Variants in SRC observed in about 807,000 individuals in gnomAD.
SRC encodes the protein proto-oncogene tyrosine-protein kinase Src.
SRC carries 13 observed loss-of-function variants against 62.9 expected under a neutral mutation model. That is an observed-to-expected ratio of 0.21 (90% confidence interval 0.13 to 0.33). The LOEUF is 0.33. SRC is among the 10% of genes least tolerant of loss of function. The pLI, the probability that SRC is intolerant of heterozygous loss-of-function variation, is 1.00. For missense variants in SRC, 457 were observed against 737.3 expected (o/e 0.62, Z 4.40); for synonymous variants, 302 against 317.5 (o/e 0.95, Z 0.52).
chr20:37,394,068 G>T, intron 6 of SRC, 75 bp downstream of exon 6: 2 of 1,567,860 alleles, frequency 1.3e-6, no homozygotes, highest in Non-Finnish European at 1.8e-6. Context: ...CCTGGGCTGG[G>T]GTGGGAGGTC....
chr20:37,394,026 G>C (rs1161850102), intron 6 of SRC, 33 bp downstream of exon 6: 8 of 1,602,878 alleles, frequency 5.0e-6, no homozygotes, highest in Non-Finnish European at 6.8e-6. Flanking sequence ...TCTACCCGTC[G>C]TCCCTGGACA....
chr20:37,401,420 C>G (rs1185158229), intron 10 of SRC, among the ~76,000 whole-genome samples, 182 bp from the exon 11 acceptor site: 1 of 152,086 alleles, frequency 6.6e-6, no homozygotes, highest in Non-Finnish European at 1.5e-5. Context: ...CTGCTTGTTT[C>G]CCATCCTGCT....
upstream of SRC, among the ~76,000 whole-genome samples, chr20:37,345,111 T>C (rs2069699551): frequency 6.6e-6 from 1 of 152,214 alleles, no homozygotes; most frequent in African/African-American, 2.4e-5. Flanking sequence ...CTGACCTGTC[T>C]GGGCCTTAAT....
At chr20:37,358,723 T>C (rs2069920983) in intron 1 of SRC, among the ~76,000 whole-genome samples, 1 of 152,212 alleles carries the variant, frequency 6.6e-6, no homozygotes. Flanking sequence ...AGTTGTGCTC[T>C]CCAGGGCGTG....
At chr20:37,381,925 G>C (rs1355476098) in intron 2 of SRC, among the ~76,000 whole-genome samples, 2 of 152,178 alleles carry the variant, frequency 1.3e-5, no homozygotes, top group African/African-American at 2.4e-5. Flanking sequence ...TCTCTGAGCT[G>C]GGTGGTCCCC....
intron 1 of SRC, among the ~76,000 whole-genome samples, chr20:37,364,214 G>A (rs1600967715): frequency 6.6e-6 from 1 of 152,226 alleles, no homozygotes. Flanking sequence ...GGTACGAGAC[G>A]GTGGAACCCA....
At chr20:37,376,088 G>A (rs999973777) in intron 2 of SRC, among the ~76,000 whole-genome samples, 8 of 152,216 alleles carry the variant, frequency 5.3e-5, no homozygotes, top group African/African-American at 1.9e-4. Flanking sequence ...TGGGGTGGGG[G>A]ATGCACATTC....
chr20:37,400,167 G>T lies in SRC; in HGVS notation c.912G>T (p.Thr304=), dbSNP rs1354962086. 6.2e-7 allele frequency: 1 copy of T among 1,613,594 alleles called. No homozygotes were observed. Among genetic ancestry groups the T allele is most frequent in the East Asian group, 2.2e-5 (1 of 44,872 alleles). The change falls in exon 10 of 14, where the codon ACG becomes ACT. Residue 304 remains threonine, a synonymous_variant. Transcript: ENST00000373578. The part of the protein sequence containing the change: ...RVAIKTLKPG[T]MSPEAFLQEA... ...CCATCAAAACCCTGAAGCCTGGCAC[G>T]ATGTCTCCAGAGGCCTTCCTGCAGG...
At chr20:37,378,160 T>C (rs1019125481) in intron 2 of SRC, among the ~76,000 whole-genome samples, 1 of 148,500 alleles carries the variant, frequency 6.7e-6, no homozygotes, top group Non-Finnish European at 1.5e-5. Context: ...TTCTTTCTTC[T>C]CTTTTTTTTT....
In SRC at chr20:37,396,422, C is replaced by T; in HGVS notation, c.703+111C>T. On this transcript the variant is annotated intron_variant, in intron 8 of 13. Transcript: ENST00000373578. The surrounding 1 kb of genome is among the most constrained non-coding windows in gnomAD (Gnocchi z 6.1). ...GGGACTTCTGTTATCCTGCTTCTCT[C>T]CCCACTTCCCCCTCCCCCCTCCCTT... 2.5e-6 allele frequency: 3 copies of T among 1,214,864 alleles called. No individual in the cohort carries two copies. Among genetic ancestry groups the T allele is most frequent in the Non-Finnish European group, 3.4e-6 (3 of 873,090 alleles). 75.3% of individuals were successfully genotyped at this position (1,214,864 alleles called of 1,614,324 possible). A position where few individuals can be genotyped will look rare whatever the true frequency, so the allele number is the denominator to read the frequency against.
chr20:37,386,683 A>C (rs2070460967), intron 5 of SRC, among the ~76,000 whole-genome samples: 1 of 149,844 alleles, frequency 6.7e-6, no homozygotes, highest in African/African-American at 2.5e-5. Flanking sequence ...CTTCCATTGC[A>C]CTCTCCTGCA....
chr20:37,401,460 A>G (rs912885413), intron 10 of SRC, 142 bp from the exon 11 acceptor site: 2 of 611,672 alleles, frequency 3.3e-6, no homozygotes, highest in African/African-American at 3.8e-5. Flanking sequence ...ACTGAGTGAG[A>G]CTTTATTCAG....
At chr20:37,400,836 C>T (rs2070725798) in intron 10 of SRC, among the ~76,000 whole-genome samples, 1 of 152,130 alleles carries the variant, frequency 6.6e-6, no homozygotes, top group Non-Finnish European at 1.5e-5. Context: ...TCTCCATCAC[C>T]CAGAAAGTTC....
chr20:37,374,571 C>CTTTTTTTTTTTTT (rs71187927), intron 2 of SRC, among the ~76,000 whole-genome samples: 1 of 88,964 alleles, frequency 1.1e-5, no homozygotes, highest in Non-Finnish European at 2.3e-5. Context: ...TAATAATACT[C>CTTTTTTTTTTTTT]TTTTTTTTTT....
At chr20:37,390,096 G>A (rs1414209081) in intron 5 of SRC, among the ~76,000 whole-genome samples, 13 of 152,148 alleles carry the variant, frequency 8.5e-5, no homozygotes, top group Admixed American at 2.0e-4. Flanking sequence ...CATCACAGTC[G>A]TCATCTCAGT....
chr20:37,375,292 T>C (rs538740281), intron 2 of SRC, among the ~76,000 whole-genome samples: 6 of 151,826 alleles, frequency 4.0e-5, no homozygotes, highest in Admixed American at 1.3e-4. Context: ...AGTGCAGTGC[T>C]GTGATAATGG....
intron 2 of SRC, among the ~76,000 whole-genome samples, chr20:37,373,104 A>G (rs1044362302): frequency 2.2e-5 from 3 of 137,014 alleles, no homozygotes; most frequent in Non-Finnish European, 4.5e-5. Context: ...ACATATACAC[A>G]TATATGTACA....
intron 1 of SRC, among the ~76,000 whole-genome samples, chr20:37,354,674 T>C (rs997388947): frequency 1.3e-5 from 2 of 152,116 alleles, no homozygotes; most frequent in African/African-American, 4.8e-5. Flanking sequence ...TGTCCCTGAG[T>C]TGTGCCAAGT....
chr20:37,396,220 C>T lies in SRC; in HGVS notation c.612C>T (p.His204=). ...FDNAKGLNVK[H]YKIRKLDSGG... ...ACGCCAAGGGCCTCAACGTGAAGCACTACAAGATCCGCAAGCTGGACAGCG... is the reference window on the plus strand; with the variant it reads ...ACGCCAAGGGCCTCAACGTGAAGCATTACAAGATCCGCAAGCTGGACAGCG... Residue 204 remains histidine, a synonymous_variant, in exon 8 of 14, where the codon CAC becomes CAT. Coordinates refer to ENST00000373578, the MANE Select transcript of SRC (RefSeq NM_198291.3). The surrounding 1 kb of genome is among the most constrained non-coding windows in gnomAD (Gnocchi z 6.1). 6.2e-7 allele frequency: 1 copy of T among 1,614,070 alleles called. No individual in the cohort carries two copies.
Sources: allele counts gnomAD v4.1 joint callset (sites outside exome capture counted in the v4.1 genomes callset), GRCh38; gene constraint gnomAD v4.1.1; non-coding constraint Gnocchi (gnomAD v3.1); transcripts MANE v1.5; gene names NCBI Gene and HGNC (gene_info 2026-07-23, HGNC 2026-07-21).